FHIT: variants seen among roughly 807,000 people sequenced by gnomAD.
FHIT encodes bis(5'-adenosyl)-triphosphatase.
A neutral mutation model predicts 17.9 loss-of-function variants in FHIT; 19 were observed. The ratio of observed to expected loss-of-function variants is 1.06; its 90% CI spans 0.74 to 1.56. The LOEUF (loss-of-function observed/expected upper bound fraction) is 1.56, where lower values mean the gene tolerates loss of function less well. Ranked by LOEUF, FHIT falls within the 40% of genes most tolerant of loss-of-function variation. FHIT has a pLI of 0.00. For synonymous variants in FHIT, 81 were observed against 69.7 expected, an observed-to-expected ratio of 1.16 and a Z score of -0.81; for missense variants, 248 against 189.2, an observed-to-expected ratio of 1.31 and a Z score of -1.82.
intron 5 of FHIT, among the ~76,000 whole-genome samples, chr3:60,250,998 C>T (rs984828013): frequency 1.2e-4 from 18 of 152,160 alleles, no homozygotes; most frequent in African/African-American, 4.1e-4. Flanking sequence ...CCTTTACCCA[C>T]GTGGTTTGTA....
At chr3:60,113,829 G>A (rs1465200343) in intron 5 of FHIT, among the ~76,000 whole-genome samples, 2 of 148,750 alleles carry the variant, frequency 1.3e-5, no homozygotes, top group Non-Finnish European at 3.0e-5. Context: ...GTGAAACCCC[G>A]TCTCTACTAA....
At chr3:60,970,790 T>C (rs1257980021) in intron 3 of FHIT, among the ~76,000 whole-genome samples, 1 of 152,222 alleles carries the variant, frequency 6.6e-6, no homozygotes, top group Non-Finnish European at 1.5e-5. Context: ...ACAAATATTT[T>C]ATTTTTCAAG....
In FHIT at chr3:59,821,845, C is replaced by T. The variant is rs558092069; in HGVS notation, c.349-69524G>A. 9.9e-5 allele frequency among the ~76,000 whole-genome samples: 15 copies of T among 151,732 alleles called. No homozygotes were observed. In the East Asian group the frequency reaches 1.2e-3, roughly 12 times the overall value. On this transcript the variant is annotated intron_variant, in intron 8 of 9. Transcript: ENST00000492590. ...GGTTTTTGGGGGAACAAGTGGTATT[C>T]GGTTACATGAGCAAGTTCTTCAGTG...
At chr3:60,046,484 G>T (rs1188409656) in intron 5 of FHIT, among the ~76,000 whole-genome samples, 2 of 152,210 alleles carry the variant, frequency 1.3e-5, no homozygotes, top group African/African-American at 4.8e-5. Flanking sequence ...CGCAGCACCT[G>T]TCTAAAGTAT....
intron 2 of FHIT, among the ~76,000 whole-genome samples, chr3:61,061,153 G>C (rs2034414538): frequency 6.6e-6 from 1 of 152,210 alleles, no homozygotes; most frequent in South Asian, 2.1e-4. Flanking sequence ...GGAGAGAACA[G>C]ATAAGGTGAA....
chr3:60,403,799 C>T (rs75044896), intron 5 of FHIT, among the ~76,000 whole-genome samples: 7,434 of 152,188 alleles, frequency 0.049, 604 homozygotes, highest in African/African-American at 0.17. Context: ...CAAAATTGGA[C>T]AATTTCCCCT....
chr3:60,205,952 CAAAAATAAAA>C (rs898383648), intron 5 of FHIT, among the ~76,000 whole-genome samples: 1 of 149,382 alleles, frequency 6.7e-6, no homozygotes, highest in Non-Finnish European at 1.5e-5. Context: ...ACTAAAAATA[CAAAAATAAAA>C]AAAAATAAAA....
At chr3:60,696,313 T>C (rs1239490326) in intron 4 of FHIT, among the ~76,000 whole-genome samples, 1 of 152,148 alleles carries the variant, frequency 6.6e-6, no homozygotes, top group Admixed American at 6.5e-5. Flanking sequence ...TGAATTTCAG[T>C]ACATTCAAAT....
chr3:61,198,510 T>C (rs955737937), intron 2 of FHIT, among the ~76,000 whole-genome samples: 1 of 137,202 alleles, frequency 7.3e-6, no homozygotes, highest in Non-Finnish European at 1.6e-5. Flanking sequence ...AGGAAAAACA[T>C]ACACGACAGA....
intron 5 of FHIT, among the ~76,000 whole-genome samples, chr3:60,187,673 A>G (rs1232675877): frequency 6.6e-6 from 1 of 152,186 alleles, no homozygotes; most frequent in African/African-American, 2.4e-5. Flanking sequence ...TTCAATAAAC[A>G]GATTTATTGT....
intron 5 of FHIT, among the ~76,000 whole-genome samples, chr3:60,124,740 G>T (rs1417269464): frequency 6.6e-6 from 1 of 152,146 alleles, no homozygotes; most frequent in African/African-American, 2.4e-5. Context: ...ATTTGGCATT[G>T]ATTTGATTTA....
intron 8 of FHIT, among the ~76,000 whole-genome samples, chr3:59,903,570 G>A (rs1704434747): frequency 1.3e-5 from 2 of 152,158 alleles, no homozygotes; most frequent in Non-Finnish European, 2.9e-5. Context: ...GGTTTTTCTA[G>A]AGACTTTTCA....
At chr3:61,242,972 C>G (rs1172190661) in intron 1 of FHIT, among the ~76,000 whole-genome samples, 1 of 152,150 alleles carries the variant, frequency 6.6e-6, no homozygotes, top group Non-Finnish European at 1.5e-5. Flanking sequence ...TGCATGACTC[C>G]TAAACCATAA....
intron 5 of FHIT, among the ~76,000 whole-genome samples, chr3:60,385,903 T>C (rs912419058): frequency 2.0e-5 from 3 of 152,136 alleles, no homozygotes; most frequent in Non-Finnish European, 2.9e-5. Context: ...AGTATTACTC[T>C]AAGAGATTAA....
At chr3:60,359,997 CTTTTTT>C (rs1190609181) in intron 5 of FHIT, among the ~76,000 whole-genome samples, 1 of 114,794 alleles carries the variant, frequency 8.7e-6, no homozygotes, top group African/African-American at 3.2e-5. Context: ...TTTTTTTTTT[CTTTTTT>C]TTTTTTTCAT....
chr3:59,936,224 T>G (rs1416154727), intron 7 of FHIT, among the ~76,000 whole-genome samples: 1 of 152,042 alleles, frequency 6.6e-6, no homozygotes. Flanking sequence ...CTTTACAAAT[T>G]ATTTCCAGGG....
At chr3:60,618,525 C>T (rs2039020182) in intron 4 of FHIT, among the ~76,000 whole-genome samples, 2 of 152,286 alleles carry the variant, frequency 1.3e-5, no homozygotes, top group South Asian at 2.1e-4. Flanking sequence ...TAAGTGAGAA[C>T]ATGTGGTGCT....
At chr3:60,578,406 T>C (rs1267186933) in intron 4 of FHIT, among the ~76,000 whole-genome samples, 2 of 150,048 alleles carry the variant, frequency 1.3e-5, no homozygotes, top group Non-Finnish European at 3.0e-5. Flanking sequence ...CACTGCACTC[T>C]GGCCTGGGCG....
rs73836151 is a variant in FHIT at position 60,805,285 on chromosome 3, T to A, written c.-18+16634A>T. ...CCATAACAAAACACCAAGGATTGTG[T>A]GGCTTAAACAACAGAAATTTATTTC... On this transcript the variant is annotated intron_variant, in intron 4 of 9. Transcript: ENST00000492590. Among the ~76,000 whole-genome samples, 238 of 152,322 alleles carry A rather than the reference T, an allele frequency of 1.6e-3. 2 individuals are homozygous for A. The highest frequency in any genetic ancestry group is 5.6e-3 in the African/African-American group (231 of 41,584).
Sources: gnomAD v4.1 joint callset for allele counts (sites outside exome capture counted in the v4.1 genomes callset) on GRCh38, gnomAD v4.1.1 for gene constraint, MANE v1.5 for transcripts, NCBI Gene and HGNC (gene_info 2026-07-23, HGNC 2026-07-21) for gene names.